The following ARMC2 variants were observed in gnomAD, a reference collection of about 807,000 sequenced individuals.
ARMC2 encodes armadillo repeat containing 2.
In ARMC2, 67 loss-of-function variants were observed where a neutral mutation model predicts 90.3. That is an observed-to-expected ratio of 0.74 (90% CI 0.61 to 0.91). The LOEUF is 0.91. Among genes scored for constraint, ARMC2 ranks in the 40% least tolerant of loss-of-function variants. The pLI, the probability that ARMC2 is intolerant of heterozygous loss-of-function variation, is 0.00. For missense variants in ARMC2, 920 were observed against 1,030.9 expected, an observed-to-expected ratio of 0.89 and a Z score of 1.47; for synonymous variants, 393 against 393.0, an observed-to-expected ratio of 1.00 and a Z score of 0.00.
intron 4 of ARMC2, among the ~76,000 whole-genome samples, chr6:108,874,513 A>G (rs553928450): frequency 1.3e-5 from 2 of 152,248 alleles, no homozygotes; most frequent in Admixed American, 1.3e-4. Flanking sequence ...TGGTGTGGTG[A>G]TATGGAGAGA....
At chr6:108,870,988 T>A (rs1776350881) in intron 4 of ARMC2, among the ~76,000 whole-genome samples, 1 of 152,222 alleles carries the variant, frequency 6.6e-6, no homozygotes, top group Admixed American at 6.5e-5. Context: ...TAATTTGCTT[T>A]AGCTCAGGTG....
At chr6:109,047,630 A>G in the ARMC2 span, among the ~76,000 whole-genome samples, 3 of 144,162 alleles carry the variant, frequency 2.1e-5, no homozygotes, top group African/African-American at 5.0e-5. Context: ...CAGGATGACA[A>G]TGGCGGCTTT....
intron 3 of ARMC2, among the ~76,000 whole-genome samples, chr6:108,860,738 T>C (rs1277479986): frequency 1.3e-5 from 2 of 151,108 alleles, no homozygotes; most frequent in Non-Finnish European, 1.5e-5. Context: ...TACCCACACC[T>C]GTAGTTAGGG....
chr6:109,001,600 T>A, the ARMC2 span: 1 of 949,662 alleles, frequency 1.1e-6, no homozygotes, highest in Non-Finnish European at 1.6e-6. Context: ...AAATCTGGCT[T>A]AAGAAAGAGG....
the ARMC2 span, among the ~76,000 whole-genome samples, chr6:108,982,186 TAAC>T: frequency 4.6e-5 from 7 of 152,244 alleles, no homozygotes; most frequent in South Asian, 8.3e-4. Flanking sequence ...CAAGCTGAGA[TAAC>T]AAAAAATATA....
At chr6:109,009,448 C>G in the ARMC2 span, 1 of 1,339,188 alleles carries the variant, frequency 7.5e-7, no homozygotes, top group Non-Finnish European at 9.6e-7. Context: ...TTCGCGGCGG[C>G]GGCCAAGCGC....
intron 17 of ARMC2, among the ~76,000 whole-genome samples, chr6:108,972,790 G>A (rs569472470): frequency 6.6e-6 from 1 of 151,604 alleles, no homozygotes; most frequent in Non-Finnish European, 1.5e-5. Flanking sequence ...TCAGCCTCTC[G>A]AGTAACTGGG....
intron 17 of ARMC2, among the ~76,000 whole-genome samples, chr6:108,969,052 T>G (rs1025249213): frequency 6.6e-6 from 1 of 152,208 alleles, no homozygotes; most frequent in Non-Finnish European, 1.5e-5. Flanking sequence ...AGCTGGCACC[T>G]GATGACCATG....
At chr6:108,964,885 A>G in intron 16 of ARMC2, 95 bp from the exon 17 acceptor site, 1 of 931,158 alleles carries the variant, frequency 1.1e-6, no homozygotes, top group East Asian at 2.4e-5. Context: ...GATTATACTT[A>G]CATATCACAG....
the ARMC2 span, among the ~76,000 whole-genome samples, chr6:108,981,544 A>G: frequency 5.3e-5 from 8 of 152,048 alleles, no homozygotes. Context: ...TGACTACTTG[A>G]TATCTTATAT....
rs372338265 is a variant in ARMC2 at position 108,968,246 on chromosome 6, C to T, written c.2446+3106C>T. Among the ~76,000 whole-genome samples, 76 of 152,236 alleles carry T rather than the reference C, an allele frequency of 5.0e-4. 2 individuals are homozygous for T. In the South Asian group the frequency reaches 0.013, roughly 26 times the overall value. On this transcript the variant is annotated intron_variant, in intron 17 of 17. Coordinates refer to ENST00000392644, the MANE Select transcript of ARMC2 (RefSeq NM_032131.6). The stretch of plus-strand genomic sequence containing the variant: ...GAGGCCATCAGCTAGGTGACAGATA[C>T]GGAAAGTAGGTTTTAGGACAGTTAA...
chr6:108,928,116 A>G lies in ARMC2; in HGVS notation c.1379A>G (p.Asp460Gly). The G allele has an allele frequency of 6.2e-7, 1 of 1,608,302 alleles. No individual in the cohort carries two copies. The highest frequency in any genetic ancestry group is 8.5e-7 in the Non-Finnish European group (1 of 1,178,338). Reference sequence around the variant, plus strand: ...ACTGCTACATTGAGAAACTTGGTTGATTCATCATTAGTAAGAAGTAAGTTC... The same window carrying G: ...ACTGCTACATTGAGAAACTTGGTTGGTTCATCATTAGTAAGAAGTAAGTTC... ...QVTATLRNLV[D>G]SSLVRSKFLN... The change falls in exon 11 of 18, where the codon GAT (aspartate) becomes GGT (glycine). Residue 460 changes from aspartate to glycine, a missense_variant. Asp to Gly is a moderately conservative substitution (Grantham distance 94, BLOSUM62 -1). Coordinates refer to ENST00000392644, the MANE Select transcript of ARMC2 (RefSeq NM_032131.6).
chr6:108,932,540 T>TG (rs1775644575), intron 11 of ARMC2, among the ~76,000 whole-genome samples: 5 of 99,626 alleles, frequency 5.0e-5, no homozygotes, highest in African/African-American at 1.7e-4. Flanking sequence ...TTTTTTTTTT[T>TG]TTTGTTGAGA....
chr6:108,964,033 T>C, intron 15 of ARMC2, 147 bp from the exon 16 acceptor site: 1 of 856,780 alleles, frequency 1.2e-6, no homozygotes, highest in South Asian at 1.9e-5. Context: ...GTGTGATGGA[T>C]AAAGCCTTAG....
At chr6:108,962,160 C>T in intron 15 of ARMC2, 33 bp downstream of exon 15, 1 of 1,495,828 alleles carries the variant, frequency 6.7e-7, no homozygotes, top group South Asian at 1.2e-5. Flanking sequence ...CATAAACATT[C>T]ACTTTTTGCC....
chr6:108,907,423 A>G (rs573050147), intron 8 of ARMC2, among the ~76,000 whole-genome samples: 15 of 151,130 alleles, frequency 9.9e-5, no homozygotes, highest in Non-Finnish European at 1.6e-4. Context: ...ATATATTTCC[A>G]TCAATATAGA....
Position 108,953,135 on chromosome 6 carries a change from C to T in ARMC2, c.1699C>T (p.Leu567=), listed in dbSNP as rs199847440. Residue 567 remains leucine, a synonymous_variant, in exon 13 of 18, where the codon CTG becomes TTG. Coordinates refer to ENST00000392644, the MANE Select transcript of ARMC2 (RefSeq NM_032131.6). ...AGAGAAAGGGAGCATCCAAACTCTG[C>T]TGTCATTATTCCAGACGTTCCATCA... is the stretch of plus-strand genomic sequence containing the variant. The part of the protein sequence containing the change: ...SKEKGSIQTL[L]SLFQTFHQLD... 3.8e-5 allele frequency: 62 copies of T among 1,614,058 alleles called. No homozygotes were observed. The African/African-American group carries it at 6.9e-4, about 18-fold the overall frequency.
chr6:108,957,020 G>A (rs1388353831), intron 13 of ARMC2, among the ~76,000 whole-genome samples: 1 of 152,168 alleles, frequency 6.6e-6, no homozygotes, highest in Non-Finnish European at 1.5e-5. Flanking sequence ...CCTGATACAG[G>A]TGGTCAAGGG....
intron 17 of ARMC2, among the ~76,000 whole-genome samples, chr6:108,966,153 G>T (rs1165179456): frequency 6.8e-6 from 1 of 146,706 alleles, no homozygotes. Context: ...AAGGTCACTT[G>T]GAAGCCATAG....
Sources: gnomAD v4.1 joint callset for allele counts (sites outside exome capture counted in the v4.1 genomes callset) on GRCh38, gnomAD v4.1.1 for gene constraint, MANE v1.5 for transcripts, NCBI Gene and HGNC (gene_info 2026-07-23, HGNC 2026-07-21) for gene names.